Variants in HK3 observed in about 807,000 individuals in gnomAD.
HK3 encodes hexokinase 3.
A neutral mutation model predicts 91.0 loss-of-function variants in HK3; 93 were observed. That is an observed-to-expected ratio of 1.02 (90% CI 0.86 to 1.21). HK3 has a LOEUF of 1.21. HK3 is among the 50% of genes most tolerant of loss of function. The probability of loss-of-function intolerance (pLI) is 0.00; values close to 1 mark genes in which losing one functional copy is unlikely to be tolerated. For missense variants in HK3, 1,235 were observed against 1,247.4 expected (o/e 0.99, Z 0.15); for synonymous variants, 519 against 516.9 (o/e 1.00, Z -0.06).
In HK3 at chr5:176,887,442, G is replaced by T; in HGVS notation, c.1600+9C>A. The T allele has an allele frequency of 6.2e-7, 1 of 1,612,330 alleles. No individual in the cohort carries two copies. On this transcript the variant is annotated intron_variant, in intron 11 of 18. Transcript: ENST00000292432. This position sits in a 1 kb window ranked among gnomAD's most constrained non-coding sequence, Gnocchi z 4.9. The stretch of plus-strand genomic sequence containing the variant: ...ATGTTTCGGTCCCACACTCAGGCCA[G>T]GTCCTTACCGCTGCCGTCAGGGGTG...
In HK3 at chr5:176,888,602, A is replaced by G. The variant is rs746709244; in HGVS notation, c.1071-37T>C. The G allele has an allele frequency of 4.4e-6, 7 of 1,603,016 alleles. No individual in the cohort carries two copies. In the East Asian group the frequency reaches 1.1e-4, roughly 26 times the overall value. ...AGGGAAGTGGTTTGGGGCTCAGCCC[A>G]GAAGCTCCCCATCCCACTAAAGCCC... On this transcript the variant is annotated intron_variant, in intron 9 of 18. Transcript: ENST00000292432.
At chr5:176,892,130 C>T (rs143670041) in intron 2 of HK3, among the ~76,000 whole-genome samples, 1,538 of 152,304 alleles carry the variant, frequency 0.01, 7 homozygotes, top group Non-Finnish European at 0.016. Context: ...GCACCGCACA[C>T]ACATAACCAC....
At position 176,887,898 on chromosome 5, in the gene HK3, T is replaced by C. The variant is rs1581295984; in HGVS notation, c.1305-152A>G. The stretch of plus-strand genomic sequence containing the variant: ...CTCCTGAAGCCCAAGGCCCCATCAC[T>C]TTTTTTTTTTTATTTTTGTAGATAT... On this transcript the variant is annotated intron_variant, in intron 10 of 18. Coordinates refer to ENST00000292432, the MANE Select transcript of HK3 (RefSeq NM_002115.3). The surrounding 1 kb of genome is among the most constrained non-coding windows in gnomAD (Gnocchi z 4.9). The C allele has an allele frequency of 7.7e-6, 2 of 261,148 alleles. No individual in the cohort carries two copies. 16.2% of individuals were successfully genotyped at this position (261,148 alleles called of 1,614,324 possible). A position where few individuals can be genotyped will look rare whatever the true frequency, so the allele number is the denominator to read the frequency against.
At chr5:176,881,561 C>T (rs764571228) in intron 17 of HK3, 26 bp from the exon 18 acceptor site, 1 of 1,593,356 alleles carries the variant, frequency 6.3e-7, no homozygotes, top group Non-Finnish European at 8.5e-7. Flanking sequence ...GAAGAGAGCA[C>T]AGGGAGGTGG....
Position 176,881,067 on chromosome 5 carries a change from G to T in HK3, c.*6C>A, listed in dbSNP as rs772409389. The T allele has an allele frequency of 3.1e-6, 5 of 1,593,870 alleles. No individual in the cohort carries two copies. In the South Asian group the frequency reaches 3.3e-5, roughly 11 times the overall value. ...CGGCGGAGACCTCCTCAGCCTGGAG[G>T]TTTCCTCAGACACGAGTCAACTGCG... On this transcript the variant is annotated 3_prime_UTR_variant, in exon 19 of 19. Coordinates refer to ENST00000292432, the MANE Select transcript of HK3 (RefSeq NM_002115.3).
At chr5:176,896,822 A>T (rs921369736) in intron 1 of HK3, among the ~76,000 whole-genome samples, 13 of 152,146 alleles carry the variant, frequency 8.5e-5, no homozygotes, top group African/African-American at 3.1e-4. Flanking sequence ...ACTTCTTTGA[A>T]TTTCAGCTTC....
rs770079757 is a variant in HK3, at chr5:176,887,563, T to C, written c.1488A>G (p.Gln496=). The stretch of plus-strand genomic sequence containing the variant: ...GCATCTGTGCCTGAACCGCAGCCAG[T>C]TGATCATGGTTCAACCGGAATGGGG... The part of the protein sequence containing the change: ...TLAPFRLNHD[Q]LAAVQAQMRK... The change falls in exon 11 of 19, where the codon CAA becomes CAG. Residue 496 remains glutamine, a synonymous_variant. Transcript: ENST00000292432. The surrounding 1 kb of genome is among the most constrained non-coding windows in gnomAD (Gnocchi z 4.9). The C allele has an allele frequency of 1.2e-6, 2 of 1,613,722 alleles. No individual in the cohort carries two copies. Among genetic ancestry groups the C allele is most frequent in the Non-Finnish European group, 1.7e-6 (2 of 1,180,000 alleles).
intron 15 of HK3, among the ~76,000 whole-genome samples, chr5:176,882,907 C>T (rs974146793): frequency 1.8e-4 from 27 of 152,264 alleles, no homozygotes; most frequent in African/African-American, 5.1e-4. Context: ...AGTGCCTAAC[C>T]GTGCCAGGTG....
chr5:176,887,190 G>C lies in HK3; in HGVS notation c.1737+11C>G. On this transcript the variant is annotated intron_variant, in intron 12 of 18. Coordinates refer to ENST00000292432, the MANE Select transcript of HK3 (RefSeq NM_002115.3). The surrounding 1 kb of genome is among the most constrained non-coding windows in gnomAD (Gnocchi z 4.9). ...CCCCACCTCTGACATCAAGGTTCAG[G>C]CTGTGGGTACCTGCTGCCCAGAACC... is the stretch of plus-strand genomic sequence containing the variant. 3 of 1,614,196 alleles carry C rather than the reference G, an allele frequency of 1.9e-6. No individual in the cohort carries two copies. Among genetic ancestry groups the C allele is most frequent in the Non-Finnish European group, 2.5e-6 (3 of 1,180,040 alleles).
Position 176,881,542 on chromosome 5 carries a change from G to T in HK3, c.2394-7C>A, listed in dbSNP as rs910280249. 4 of 1,599,666 alleles carry T rather than the reference G, an allele frequency of 2.5e-6. No homozygotes were observed. The African/African-American group carries it at 5.3e-5, about 21-fold the overall frequency. ...CCGCAGGGCCAGGCTGTCACTGGGGGCCAGGAAGGAAGAGAGCACAGGGAG... is the reference window on the plus strand; with the variant it reads ...CCGCAGGGCCAGGCTGTCACTGGGGTCCAGGAAGGAAGAGAGCACAGGGAG... On this transcript the variant is annotated splice_region_variant and splice_polypyrimidine_tract_variant and intron_variant, in intron 17 of 18. Transcript: ENST00000292432.
At chr5:176,894,819 C>T (rs1758866694) in intron 2 of HK3, among the ~76,000 whole-genome samples, 2 of 150,778 alleles carry the variant, frequency 1.3e-5, no homozygotes, top group South Asian at 2.1e-4. Flanking sequence ...CTCTGTCACC[C>T]AGGCTGGAGT....
In HK3 at chr5:176,886,997, C is replaced by T. The variant is rs1208125291; in HGVS notation, c.1857+5G>A. The T allele has an allele frequency of 1.2e-6, 2 of 1,613,922 alleles. No homozygotes were observed. The highest frequency in any genetic ancestry group is 2.2e-5 in the East Asian group (1 of 44,866). ...TGGGAATCACTTCTCTTGGCCCTCCCTCACCTGGTCTAGGCCAAGCTGCCT... is the reference window on the plus strand; with the variant it reads ...TGGGAATCACTTCTCTTGGCCCTCCTTCACCTGGTCTAGGCCAAGCTGCCT... On this transcript the variant is annotated splice_donor_5th_base_variant and intron_variant, in intron 13 of 18. Transcript: ENST00000292432.
rs536281174 is a variant in HK3 at position 176,897,355 on chromosome 5, T to G, written c.-26-1170A>C. Among the ~76,000 whole-genome samples, 14 of 152,278 alleles carry G rather than the reference T, an allele frequency of 9.2e-5. No individual in the cohort carries two copies. The South Asian group carries it at 2.9e-3, about 32-fold the overall frequency. Reference sequence around the variant, plus strand: ...GGAGCCCTCAGTGAGTCAGGTGCTCTTTAGGGGTGGGGGAAAAGGGAAACA... The same window carrying G: ...GGAGCCCTCAGTGAGTCAGGTGCTCGTTAGGGGTGGGGGAAAAGGGAAACA... On this transcript the variant is annotated intron_variant, in intron 1 of 18. Transcript: ENST00000292432.
At chr5:176,888,973 C>T in intron 8 of HK3, 109 bp from the exon 9 acceptor site, 1 of 1,291,712 alleles carries the variant, frequency 7.7e-7, no homozygotes, top group Non-Finnish European at 1.1e-6. Context: ...GGCTCCCAAA[C>T]TGGAGACTCC....
At chr5:176,895,076 CTTT>C (rs35622796) in intron 2 of HK3, among the ~76,000 whole-genome samples, 1 of 113,728 alleles carries the variant, frequency 8.8e-6, no homozygotes, top group African/African-American at 3.9e-5. Context: ...TGCGCCCGGA[CTTT>C]TTTTTTTTTT....
chr5:176,881,019 C>T lies in HK3; in HGVS notation c.*54G>A, dbSNP rs1758408633. 1 of 1,529,870 alleles carries T rather than the reference C, an allele frequency of 6.5e-7. No individual in the cohort carries two copies. The highest frequency in any genetic ancestry group is 8.8e-7 in the Non-Finnish European group (1 of 1,140,372). 94.8% of individuals were successfully genotyped at this position (1,529,870 alleles called of 1,614,324 possible). ...GGCCTGGCTGGGAAACAGGCAGACC[C>T]CGACCCGGCTCCAGCAAGGCTGCGG... On this transcript the variant is annotated 3_prime_UTR_variant, in exon 19 of 19. Coordinates refer to ENST00000292432, the MANE Select transcript of HK3 (RefSeq NM_002115.3).
rs776857802 is a variant in HK3, at chr5:176,889,700, G to GC, written c.674dup (p.Thr226HisfsTer6). 1.1e-4 allele frequency: 179 copies of GC among 1,614,140 alleles called. No homozygotes were observed. Among genetic ancestry groups the GC allele is most frequent in the Admixed American group, 2.5e-4 (15 of 60,022 alleles). ...CCCCCGGCTCACAGCCCATCATGGT[G>GC]CCCACTGTGTCGTTCACCACAGCAA... On this transcript the variant is annotated frameshift_variant, in exon 7 of 19. Transcript: ENST00000292432. LOFTEE classifies it high-confidence loss of function.
Position 176,882,266 on chromosome 5 carries a change from C to T in HK3, c.2054-139G>A. 4.5e-6 allele frequency: 4 copies of T among 891,454 alleles called. 1 individual carries two copies. Among genetic ancestry groups the T allele is most frequent in the Non-Finnish European group, 6.8e-6 (4 of 585,226 alleles). The allele number at this position is 891,454 out of a possible 1,614,324, so 55.2% of individuals were successfully genotyped here. ...CTCACAGCCTGTCCCTGGTCCTGGT[C>T]CTTCTTCCTTCCCGACATCCCTCGT... On this transcript the variant is annotated intron_variant, in intron 15 of 18. Transcript: ENST00000292432.
intron 2 of HK3, among the ~76,000 whole-genome samples, chr5:176,894,028 A>G (rs1758844695): frequency 6.6e-6 from 1 of 152,222 alleles, no homozygotes; most frequent in Admixed American, 6.5e-5. Flanking sequence ...TAGCAGGAAC[A>G]ATAGTACCTA....
Sources: gnomAD v4.1 joint callset for allele counts (sites outside exome capture counted in the v4.1 genomes callset) on GRCh38, gnomAD v4.1.1 for gene constraint, Gnocchi (gnomAD v3.1) non-coding constraint, MANE v1.5 for transcripts, NCBI Gene and HGNC (gene_info 2026-07-23, HGNC 2026-07-21) for gene names.